Variants in SPPL2B observed in about 807,000 individuals in gnomAD.
The protein encoded by SPPL2B is signal peptide peptidase like 2B.
SPPL2B carries 39 observed loss-of-function variants against 59.7 expected under a neutral mutation model. The observed-to-expected ratio is 0.65, with a 90% confidence interval of 0.51 to 0.85. The LOEUF is 0.85. Ranked by LOEUF, SPPL2B falls within the 40% of genes least tolerant of loss-of-function variation. The pLI, the probability that SPPL2B is intolerant of heterozygous loss-of-function variation, is 0.00. For missense variants in SPPL2B, 865 were observed against 849.0 expected, an observed-to-expected ratio of 1.02 and a Z score of -0.23; for synonymous variants, 419 against 370.8, an observed-to-expected ratio of 1.13 and a Z score of -1.49.
Position 2,332,605 on chromosome 19 carries a change from T to C in SPPL2B, c.67-1997T>C, listed in dbSNP as rs2145138817. Among the ~76,000 whole-genome samples, 1 of 152,318 alleles carries C rather than the reference T, an allele frequency of 6.6e-6. No homozygotes were observed. Among genetic ancestry groups the C allele is most frequent in the Admixed American group, 6.5e-5 (1 of 15,302 alleles). On this transcript the variant is annotated intron_variant, in intron 1 of 14. Transcript: ENST00000613503. This position sits in a 1 kb window ranked among gnomAD's most constrained non-coding sequence, Gnocchi z 4.6. Reference sequence around the variant, plus strand: ...GGACCAGGGGGTGCGGCTGTCTCTCTGTCTGGGAGGTTTACAGCCTGGCAG... The same window carrying C: ...GGACCAGGGGGTGCGGCTGTCTCTCCGTCTGGGAGGTTTACAGCCTGGCAG...
At chr19:2,352,391 C>G (rs1969976418) in intron 14 of SPPL2B, among the ~76,000 whole-genome samples, 1 of 152,194 alleles carries the variant, frequency 6.6e-6, no homozygotes. Context: ...GGGGGAGATG[C>G]CGCGCTTCTC....
At chr19:2,351,665 G>A (rs1969932141) in intron 14 of SPPL2B, 71 bp downstream of exon 14, 3 of 1,540,828 alleles carry the variant, frequency 1.9e-6, no homozygotes, top group South Asian at 1.2e-5. Context: ...AAAGTTGAGT[G>A]AGACCTCCAG....
intron 5 of SPPL2B, chr19:2,339,531 C>G: frequency 1.7e-6 from 1 of 581,772 alleles, no homozygotes; most frequent in Non-Finnish European, 3.1e-6. Context: ...GGGGAGGCCC[C>G]ATGTCCAGGG....
chr19:2,338,380 CGTA>C (rs1968783913), intron 3 of SPPL2B: 2 of 172,064 alleles, frequency 1.2e-5, no homozygotes, highest in African/African-American at 4.8e-5. Context: ...ACGCTGCCGT[CGTA>C]GTTGAGAGAG....
chr19:2,351,617 T>C (rs1035147030), intron 14 of SPPL2B, 23 bp downstream of exon 14: 1 of 1,592,054 alleles, frequency 6.3e-7, no homozygotes, highest in East Asian at 2.3e-5. Flanking sequence ...TTGCTCTGAC[T>C]GTGAGAAATA....
intron 8 of SPPL2B, chr19:2,341,506 C>T (rs1349236222): frequency 4.5e-6 from 2 of 444,902 alleles, no homozygotes; most frequent in Non-Finnish European, 9.2e-6. Context: ...GGACTTGTGG[C>T]TGCCTCCCGC....
At chr19:2,337,418 C>T in intron 2 of SPPL2B, 25 bp from the exon 3 acceptor site, 2 of 1,568,312 alleles carry the variant, frequency 1.3e-6, no homozygotes, top group East Asian at 4.6e-5. Flanking sequence ...TCACGTGAGA[C>T]AACACTGTGC....
In SPPL2B at chr19:2,345,267, T is replaced by C; in HGVS notation, c.1291T>C (p.Tyr431His). ...GCCTCCCCCAGGGCTGCTGGTGGCC[T>C]ACTGCCACAGGTTTGACATCCAGGT... is the stretch of plus-strand genomic sequence containing the variant. ...DILVPGLLVA[Y>H]CHRFDIQVQS... The change falls in exon 13 of 15, where the codon TAC becomes CAC. Residue 431 changes from tyrosine (Y) to histidine (H), a missense_variant. Coordinates refer to ENST00000613503, the MANE Select transcript of SPPL2B (RefSeq NM_152988.3). The C allele has an allele frequency of 3.1e-6, 5 of 1,613,056 alleles. No homozygotes were observed. The highest frequency in any genetic ancestry group is 4.2e-6 in the Non-Finnish European group (5 of 1,179,714).
chr19:2,352,953 T>C lies in SPPL2B; in HGVS notation c.1523T>C (p.Leu508Pro). Residue 508 changes from leucine to proline, a missense_variant, in exon 15 of 15, where the codon CTA (leucine) becomes CCA (proline). Transcript: ENST00000613503. Reference sequence around the variant, plus strand: ...GCCTCCCTTCTCCTGTAGAAAGTCCTACCTCCATCTCCGTGGGCCCCAGCA... The same window carrying C: ...GCCTCCCTTCTCCTGTAGAAAGTCCCACCTCCATCTCCGTGGGCCCCAGCA... The part of the protein sequence containing the change: ...FWTGSGFAKV[L>P]PPSPWAPAPA... The C allele has an allele frequency of 6.2e-7, 1 of 1,612,094 alleles. No homozygotes were observed. Among genetic ancestry groups the C allele is most frequent in the Non-Finnish European group, 8.5e-7 (1 of 1,179,664 alleles).
At chr19:2,344,130 C>A in intron 10 of SPPL2B, 91 bp downstream of exon 10, 1 of 642,236 alleles carries the variant, frequency 1.6e-6, no homozygotes, top group Non-Finnish European at 2.5e-6. Flanking sequence ...ATCACCCCGC[C>A]CCCTCGTCCC....
rs1969299435 is a variant in SPPL2B at position 2,345,241 on chromosome 19, T to C, written c.1277-12T>C. 1.9e-6 allele frequency: 3 copies of C among 1,611,810 alleles called. No homozygotes were observed. The highest frequency in any genetic ancestry group is 8.5e-7 in the Non-Finnish European group (1 of 1,178,780). ...CGGGCCCGAGTAAGCCTCCGCCCTG[T>C]GCCTCCCCCAGGGCTGCTGGTGGCC... On this transcript the variant is annotated splice_polypyrimidine_tract_variant and intron_variant, in intron 12 of 14. Transcript: ENST00000613503.
intron 7 of SPPL2B, 122 bp downstream of exon 7, chr19:2,340,294 A>C: frequency 1.2e-6 from 1 of 803,564 alleles, no homozygotes; most frequent in Non-Finnish European, 1.9e-6. Context: ...GCGCTCCCTC[A>C]GTGCTGGCCT....
chr19:2,345,383 G>A (rs571458247), intron 13 of SPPL2B, 53 bp downstream of exon 13: 25 of 1,504,590 alleles, frequency 1.7e-5, no homozygotes, highest in Middle Eastern at 3.4e-4. Flanking sequence ...GCCCCACCCC[G>A]ACTTAGCCTC....
chr19:2,335,863 C>T (rs569796454), intron 2 of SPPL2B, among the ~76,000 whole-genome samples: 16 of 152,368 alleles, frequency 1.1e-4, no homozygotes, highest in South Asian at 2.1e-4. Flanking sequence ...ATAGTGTGTG[C>T]GTGTGAGCAC....
chr19:2,341,135 C>T (rs752653268), intron 8 of SPPL2B, 121 bp downstream of exon 8: 42 of 756,434 alleles, frequency 5.6e-5, no homozygotes, highest in Middle Eastern at 2.2e-4. Context: ...GCTTCAGCAC[C>T]GCGTGATGAA....
At position 2,351,594 on chromosome 19, in the gene SPPL2B, G is replaced by A. The variant is rs769565745; in HGVS notation, c.1515G>A (p.Ala505=). 1.9e-6 allele frequency: 3 copies of A among 1,607,436 alleles called. No individual in the cohort carries two copies. Among genetic ancestry groups the A allele is most frequent in the African/African-American group, 1.3e-5 (1 of 74,970 alleles). ...TGTTCTGGACGGGCAGCGGCTTTGC[G>A]GTGAATACCAGTTTGCTCTGACTGT... ...LGVFWTGSGF[A]KVLPPSPWAP... The change falls in exon 14 of 15, where the codon GCG becomes GCA. Residue 505 remains alanine (A), a splice_region_variant and synonymous_variant. Transcript: ENST00000613503.
chr19:2,351,807 G>C (rs1340997645), intron 14 of SPPL2B: 15 of 656,072 alleles, frequency 2.3e-5, no homozygotes, highest in Non-Finnish European at 3.1e-5. Context: ...GGGGTGCCAG[G>C]TGGGGCCCGG....
At chr19:2,352,819 C>A in intron 14 of SPPL2B, 127 bp from the exon 15 acceptor site, 2 of 1,041,910 alleles carry the variant, frequency 1.9e-6, no homozygotes, top group South Asian at 1.6e-5. Flanking sequence ...GGGTCCAGAG[C>A]CCCTGGGGAT....
rs781006611 is a variant in SPPL2B, at chr19:2,337,640, G to A, written c.369+15G>A. 60 of 1,535,134 alleles carry A rather than the reference G, an allele frequency of 3.9e-5. No individual in the cohort carries two copies. The highest frequency in any genetic ancestry group is 4.9e-5 in the Non-Finnish European group (56 of 1,140,402). ...GGGAGAGGCTGGTACGGCCCTGTGC[G>A]TCCCCCGCTGGGCCAGCTCTCAGGG... On this transcript the variant is annotated intron_variant, in intron 3 of 14. Transcript: ENST00000613503.
Sources: allele counts gnomAD v4.1 joint callset (sites outside exome capture counted in the v4.1 genomes callset), GRCh38; gene constraint gnomAD v4.1.1; non-coding constraint Gnocchi (gnomAD v3.1); transcripts MANE v1.5; gene names NCBI Gene and HGNC (gene_info 2026-07-23, HGNC 2026-07-21).